The following AP4S1 variants were observed in gnomAD, a reference collection of about 807,000 sequenced individuals.
AP4S1 encodes the protein adaptor related protein complex 4 subunit sigma 1, also known as AP-4 complex subunit sigma-1.
AP4S1 carries 23 observed loss-of-function variants against 19.8 expected under a neutral mutation model. That is an observed-to-expected ratio of 1.16 (90% CI 0.84 to 1.65). The LOEUF (loss-of-function observed/expected upper bound fraction) is 1.65. Among genes scored for constraint, AP4S1 ranks in the 40% most tolerant of loss-of-function variants. AP4S1 has a pLI of 0.00. For missense variants in AP4S1, 166 were observed against 172.8 expected, an observed-to-expected ratio of 0.96 and a Z score of 0.22; for synonymous variants, 46 against 54.1, an observed-to-expected ratio of 0.85 and a Z score of 0.66.
chr14:31,076,954 G>T (rs562395490), intron 4 of AP4S1, among the ~76,000 whole-genome samples: 1 of 152,040 alleles, frequency 6.6e-6, no homozygotes, highest in Non-Finnish European at 1.5e-5. Context: ...TTTTTGAGAC[G>T]GAGTTTTGCT....
intron 1 of AP4S1, among the ~76,000 whole-genome samples, chr14:31,035,379 G>C (rs1169187158): frequency 2.1e-5 from 2 of 97,256 alleles, no homozygotes; most frequent in Non-Finnish European, 4.2e-5. Flanking sequence ...ATTTTTAGTA[G>C]AGATGGGGTT....
At chr14:31,066,830 C>T (rs1260382388) in intron 2 of AP4S1, among the ~76,000 whole-genome samples, 1 of 151,886 alleles carries the variant, frequency 6.6e-6, no homozygotes, top group Non-Finnish European at 1.5e-5. Flanking sequence ...AAATATACCA[C>T]CAATATAATA....
chr14:31,057,571 C>T (rs754924842), intron 1 of AP4S1, among the ~76,000 whole-genome samples: 1 of 152,104 alleles, frequency 6.6e-6, no homozygotes, highest in African/African-American at 2.4e-5. Flanking sequence ...GTTGCTGGGA[C>T]ATGGATCTGA....
At chr14:31,050,985 G>C (rs1885756604) in intron 1 of AP4S1, among the ~76,000 whole-genome samples, 1 of 151,962 alleles carries the variant, frequency 6.6e-6, no homozygotes, top group African/African-American at 2.4e-5. Context: ...GCTGGGCTCG[G>C]TGGCCCATGA....
At chr14:31,083,789 A>G (rs575971354) in intron 5 of AP4S1, 189 of 330,262 alleles carry the variant, frequency 5.7e-4, no homozygotes, top group African/African-American at 3.5e-3. Flanking sequence ...ACATTCTTAA[A>G]AGGTTACTAC....
chr14:31,062,649 T>C (rs4981820), intron 1 of AP4S1, among the ~76,000 whole-genome samples: 70,113 of 152,024 alleles, frequency 0.46, 16,547 homozygotes, highest in Admixed American at 0.58. Flanking sequence ...ATCAAATGGA[T>C]TCTCTGATAG....
At chr14:31,030,060 A>G (rs1485172825) in intron 1 of AP4S1, among the ~76,000 whole-genome samples, 1 of 151,200 alleles carries the variant, frequency 6.6e-6, no homozygotes, top group Non-Finnish European at 1.5e-5. Context: ...GGCTCACTCC[A>G]GCTTCAGCCT....
intron 1 of AP4S1, among the ~76,000 whole-genome samples, chr14:31,034,211 T>C (rs2139419677): frequency 6.6e-6 from 1 of 152,312 alleles, no homozygotes; most frequent in Non-Finnish European, 1.5e-5. Flanking sequence ...TTGGAGAATA[T>C]GTTAAATTGG....
chr14:31,063,193 GGCT>G (rs1294949282), intron 1 of AP4S1, among the ~76,000 whole-genome samples: 1 of 152,122 alleles, frequency 6.6e-6, no homozygotes, highest in African/African-American at 2.4e-5. Flanking sequence ...CACTTTGAGA[GGCT>G]GAGGCGGGCA....
At chr14:31,087,622 T>A (rs943335515) in intron 5 of AP4S1, among the ~76,000 whole-genome samples, 1 of 152,234 alleles carries the variant, frequency 6.6e-6, no homozygotes, top group Non-Finnish European at 1.5e-5. Flanking sequence ...CCCAAAGTGT[T>A]GGGATTACAG....
rs561248171 is a variant in AP4S1 at position 31,087,160 on chromosome 14, C to G, written c.307-5747C>G. Among the ~76,000 whole-genome samples, 10 of 152,184 alleles carry G rather than the reference C, an allele frequency of 6.6e-5. No homozygotes were observed. The East Asian group carries it at 1.9e-3, about 29-fold the overall frequency. On this transcript the variant is annotated intron_variant, in intron 5 of 5. Transcript: ENST00000542754. ...CAAGCGATCCTCCCACCTTGGCCTCCCATAGGGCTGGGTGAGTCACTGTTG... is the reference window on the plus strand; with the variant it reads ...CAAGCGATCCTCCCACCTTGGCCTCGCATAGGGCTGGGTGAGTCACTGTTG...
Position 31,069,794 on chromosome 14 carries a change from G to T in AP4S1, c.139-49G>T, listed in dbSNP as rs376103605. 17 of 1,400,078 alleles carry T rather than the reference G, an allele frequency of 1.2e-5. No homozygotes were observed. In the East Asian group the frequency reaches 3.0e-4, roughly 24 times the overall value. 86.7% of individuals were successfully genotyped at this position (1,400,078 alleles called of 1,614,324 possible). ...TAGAACTTACGCATGTCATTTTAAA[G>T]AACTCTCTCTCAGCCACAGGAATTA... On this transcript the variant is annotated intron_variant, in intron 2 of 5. Transcript: ENST00000542754.
At chr14:31,072,578 C>T (rs1261428791) in intron 3 of AP4S1, among the ~76,000 whole-genome samples, 1 of 151,970 alleles carries the variant, frequency 6.6e-6, no homozygotes, top group African/African-American at 2.4e-5. Context: ...ACTATATTGC[C>T]TAGGCTGGTC....
chr14:31,049,428 A>AAATATAT (rs1384450221), intron 1 of AP4S1, among the ~76,000 whole-genome samples: 10 of 57,738 alleles, frequency 1.7e-4, no homozygotes, highest in African/African-American at 5.5e-4. Context: ...AAAAAAAAAA[A>AAATATAT]ATATATATAT....
intron 4 of AP4S1, 92 bp downstream of exon 4, chr14:31,073,065 TAC>T: frequency 9.3e-7 from 1 of 1,070,892 alleles, no homozygotes. Flanking sequence ...CATGTGTTAA[TAC>T]AGAGTTTTAA....
chr14:31,049,179 C>T (rs578018895), intron 1 of AP4S1, among the ~76,000 whole-genome samples: 3 of 151,492 alleles, frequency 2.0e-5, no homozygotes, highest in Admixed American at 6.6e-5. Context: ...TTTGGGAGGT[C>T]GAGGCGGGTG....
intron 1 of AP4S1, among the ~76,000 whole-genome samples, chr14:31,039,738 G>C (rs1047653113): frequency 6.6e-6 from 1 of 151,634 alleles, no homozygotes; most frequent in East Asian, 2.0e-4. Context: ...CTACAGGCGC[G>C]CGCCACCATG....
Position 31,033,251 on chromosome 14 carries a change from T to TCGCC in AP4S1, c.-72+7465_-72+7466insGCCC, listed in dbSNP as rs1293451022. On this transcript the variant is annotated intron_variant, in intron 1 of 5. Transcript: ENST00000542754. The stretch of plus-strand genomic sequence containing the variant: ...TTTTTTGAGATGGAGTCTCGCTCTG[T>TCGCC]CACCCAGGCTGGAGTGCAGTGGCGT... 2.2e-4 allele frequency among the ~76,000 whole-genome samples: 34 copies of TCGCC among 152,248 alleles called. 1 individual carries two copies. The East Asian group carries it at 6.4e-3, about 29-fold the overall frequency.
At chr14:31,077,858 C>T (rs1194478109) in intron 4 of AP4S1, among the ~76,000 whole-genome samples, 1 of 151,640 alleles carries the variant, frequency 6.6e-6, no homozygotes. Flanking sequence ...ACCTCAACCT[C>T]CCGAGTAGCT....
Sources: allele counts gnomAD v4.1 joint callset (sites outside exome capture counted in the v4.1 genomes callset), GRCh38; gene constraint gnomAD v4.1.1; transcripts MANE v1.5; gene names NCBI Gene and HGNC (gene_info 2026-07-23, HGNC 2026-07-21).